Variants in INPP5J observed in about 807,000 individuals in gnomAD.
The protein encoded by INPP5J is inositol polyphosphate-5-phosphatase J.
In INPP5J, 75 loss-of-function variants were observed where a neutral mutation model predicts 86.6. The ratio of observed to expected loss-of-function variants is 0.87; its 90% CI spans 0.72 to 1.05. The LOEUF is 1.05. Among genes scored for constraint, INPP5J ranks in the 50% least tolerant of loss-of-function variants. The pLI is 0.00. For synonymous variants in INPP5J, 540 were observed against 550.0 expected (o/e 0.98, Z 0.25); for missense variants, 1,229 against 1,341.2 (o/e 0.92, Z 1.31).
chr22:31,123,405 G>A (rs945773220), intron 1 of INPP5J, among the ~76,000 whole-genome samples: 34 of 152,208 alleles, frequency 2.2e-4, no homozygotes, highest in Admixed American at 1.6e-3. Context: ...CCTTGGCCAA[G>A]TTGCTTTTCC....
Position 31,133,242 on chromosome 22 carries a change from G to C in INPP5J, c.2331+7G>C, listed in dbSNP as rs1009087677. The C allele has an allele frequency of 2.5e-6, 4 of 1,606,044 alleles. No homozygotes were observed. The African/African-American group carries it at 4.0e-5, about 16-fold the overall frequency. On this transcript the variant is annotated splice_region_variant and intron_variant, in intron 10 of 12. Coordinates refer to ENST00000331075, the MANE Select transcript of INPP5J (RefSeq NM_001284285.2). Reference sequence around the variant, plus strand: ...CTGGATCGGCTTATACCGGGTGAGAGGGGCAGTGGTGGTCAGCGACTCAGG... The same window carrying C: ...CTGGATCGGCTTATACCGGGTGAGACGGGCAGTGGTGGTCAGCGACTCAGG...
In INPP5J at chr22:31,134,282, C is replaced by A. The variant is rs1044819495; in HGVS notation, c.2884C>A (p.Pro962Thr). The change falls in exon 13 of 13, where the codon CCC (proline) becomes ACC (threonine). Residue 962 changes from proline to threonine, a missense_variant. Transcript: ENST00000331075. ...PAVPRSLGLLPALRLETVDPG... is the reference protein window; with the variant it reads ...PAVPRSLGLLTALRLETVDPG... ...TGTGCCTCGAAGCCTGGGCCTGTTG[C>A]CCGCCTTGCGCCTAGAGACTGTAGA... The A allele has an allele frequency of 6.4e-7, 1 of 1,553,968 alleles. No individual in the cohort carries two copies. Among genetic ancestry groups the A allele is most frequent in the Admixed American group, 1.9e-5 (1 of 51,370 alleles).
At position 31,127,043 on chromosome 22, in the gene INPP5J, C is replaced by T. The variant is rs1192975864; in HGVS notation, c.1611+6C>T. 3 of 1,572,036 alleles carry T rather than the reference C, an allele frequency of 1.9e-6. No individual in the cohort carries two copies. The highest frequency in any genetic ancestry group is 2.6e-6 in the Non-Finnish European group (3 of 1,153,528). On this transcript the variant is annotated splice_donor_region_variant and intron_variant, in intron 5 of 12. Coordinates refer to ENST00000331075, the MANE Select transcript of INPP5J (RefSeq NM_001284285.2). ...CTGGCCTGGGCGGCTACTGGGTGAG[C>T]CTGTGAGCAGGCCCAGAAGAGGATG...
intron 9 of INPP5J, among the ~76,000 whole-genome samples, chr22:31,129,536 G>A (rs978590938): frequency 2.9e-5 from 4 of 136,378 alleles, no homozygotes; most frequent in South Asian, 2.5e-4. Flanking sequence ...CACTGTGCCC[G>A]GCGCCCTTTT....
intron 5 of INPP5J, 130 bp from the exon 6 acceptor site, chr22:31,127,227 C>T: frequency 1.1e-6 from 1 of 901,302 alleles, no homozygotes. Context: ...CCCACTGTGT[C>T]CCAGCGTTGT....
In INPP5J at chr22:31,127,005, G is replaced by A. The variant is rs775174496; in HGVS notation, c.1579G>A (p.Asp527Asn). 15 of 1,606,918 alleles carry A rather than the reference G, an allele frequency of 9.3e-6. No individual in the cohort carries two copies. Among genetic ancestry groups the A allele is most frequent in the Middle Eastern group, 1.7e-4 (1 of 6,056 alleles). Residue 527 changes from aspartate (D) to asparagine (N), a missense_variant, in exon 5 of 13, where the codon GAC becomes AAC. Transcript: ENST00000331075. ...HLPFLRDVQT[D>N]CTRTGLGGYW... is the part of the protein sequence containing the mutation. ...GCCCTTCCTGCGAGACGTGCAGACC[G>A]ACTGCACGCGCACTGGCCTGGGCGG...
At chr22:31,132,599 G>A (rs1049428748) in intron 9 of INPP5J, among the ~76,000 whole-genome samples, 3 of 152,082 alleles carry the variant, frequency 2.0e-5, no homozygotes, top group African/African-American at 4.8e-5. Flanking sequence ...AATTAGCCAG[G>A]CGTGATGGCG....
intron 1 of INPP5J, chr22:31,123,975 G>A (rs2147868506): frequency 6.6e-6 from 1 of 152,326 alleles, no homozygotes; most frequent in Non-Finnish European, 1.5e-5. Flanking sequence ...TTAGAATCCT[G>A]GACTTGCTCT....
In INPP5J at chr22:31,127,548, G is replaced by A; in HGVS notation, c.1787+16G>A. 6.2e-7 allele frequency: 1 copy of A among 1,604,830 alleles called. No homozygotes were observed. The highest frequency in any genetic ancestry group is 8.5e-7 in the Non-Finnish European group (1 of 1,174,928). On this transcript the variant is annotated intron_variant, in intron 6 of 12. Transcript: ENST00000331075. ...TGGATCATGAGTATGGGCTGGGGTGGGGCCAAATAGAGCTTGGGTGGGGCT... is the reference window on the plus strand; with the variant it reads ...TGGATCATGAGTATGGGCTGGGGTGAGGCCAAATAGAGCTTGGGTGGGGCT...
chr22:31,134,051 C>G lies in INPP5J; in HGVS notation c.2653C>G (p.Arg885Gly). 1 of 1,588,486 alleles carries G rather than the reference C, an allele frequency of 6.3e-7. No homozygotes were observed. Among genetic ancestry groups the G allele is most frequent in the South Asian group, 1.1e-5 (1 of 87,538 alleles). Residue 885 changes from arginine to glycine, a missense_variant, in exon 13 of 13, where the codon CGC becomes GGC. Transcript: ENST00000331075. ...SPSPGKSKRH[R>G]SRSPGLARFP... Reference sequence around the variant, plus strand: ...CAGTCCTGGCAAGTCCAAGCGACACCGCAGCCGCAGCCCGGGACTGGCCAG... The same window carrying G: ...CAGTCCTGGCAAGTCCAAGCGACACGGCAGCCGCAGCCCGGGACTGGCCAG...
chr22:31,124,778 T>G (rs1301429650), intron 1 of INPP5J, 67 bp from the exon 2 acceptor site: 4 of 1,368,306 alleles, frequency 2.9e-6, no homozygotes, highest in Non-Finnish European at 4.1e-6. Flanking sequence ...TGCCAGGGTC[T>G]ATATGGAAGT....
chr22:31,128,107 A>G, intron 7 of INPP5J, 45 bp downstream of exon 7: 8 of 1,497,386 alleles, frequency 5.3e-6, no homozygotes, highest in Non-Finnish European at 7.4e-6. Flanking sequence ...GTCCCAGGAC[A>G]CGCCTGTACC....
At chr22:31,129,353 G>A (rs994996436) in intron 9 of INPP5J, among the ~76,000 whole-genome samples, 2 of 146,558 alleles carry the variant, frequency 1.4e-5, no homozygotes, top group Non-Finnish European at 3.0e-5. Context: ...CGATTCTCCC[G>A]TCTCAGCCTC....
At chr22:31,132,992 G>C in intron 9 of INPP5J, 106 bp from the exon 10 acceptor site, 4 of 1,420,838 alleles carry the variant, frequency 2.8e-6, no homozygotes, top group Non-Finnish European at 1.9e-6. Context: ...CTGTAAAGTG[G>C]CCCTTTGTCT....
Position 31,124,897 on chromosome 22 carries a change from C to T in INPP5J, c.158C>T (p.Ser53Leu), listed in dbSNP as rs763939360. The T allele has an allele frequency of 7.4e-6, 12 of 1,613,908 alleles. No individual in the cohort carries two copies. Among genetic ancestry groups the T allele is most frequent in the South Asian group, 5.5e-5 (5 of 91,066 alleles). The change falls in exon 2 of 13, where the codon TCG (serine) becomes TTG (leucine). Residue 53 changes from serine (S) to leucine (L), a missense_variant. By Grantham distance (145) the Ser-to-Leu change is moderately radical. Transcript: ENST00000331075. ...PAKKNAALGP[S>L]EPRLALAPVG... ...AAGAAGAACGCAGCCCTAGGACCCT[C>T]GGAACCAAGGTTGGCTCTGGCACCT...
intron 12 of INPP5J, 35 bp from the exon 13 acceptor site, chr22:31,133,878 G>C: frequency 6.2e-7 from 1 of 1,600,922 alleles, no homozygotes; most frequent in South Asian, 1.1e-5. Flanking sequence ...CTGGGTTGGG[G>C]AGCAGGGCGC....
At chr22:31,123,806 A>C (rs1430440705) in intron 1 of INPP5J, 3 of 152,112 alleles carry the variant, frequency 2.0e-5, no homozygotes, top group Non-Finnish European at 4.4e-5. Context: ...ATAGATGGGG[A>C]AGGAGGATAG....
chr22:31,131,763 AG>A (rs1159153270), intron 9 of INPP5J, among the ~76,000 whole-genome samples: 2 of 152,134 alleles, frequency 1.3e-5, no homozygotes, highest in African/African-American at 4.8e-5. Flanking sequence ...AGGGCTCAGT[AG>A]GGGTTTTGAT....
In INPP5J at chr22:31,133,431, A is replaced by T; in HGVS notation, c.2357A>T (p.Tyr786Phe). 6.2e-7 allele frequency: 1 copy of T among 1,613,892 alleles called. No individual in the cohort carries two copies. Among genetic ancestry groups the T allele is most frequent in the Non-Finnish European group, 8.5e-7 (1 of 1,179,842 alleles). The part of the protein sequence containing the change: ...YRVGFRHCKD[Y>F]VAYVWAKHED... ...GTGGGTTTCCGCCATTGCAAGGACT[A>T]TGTGGCTTATGTCTGGGCCAAACAT... The change falls in exon 11 of 13, where the codon TAT (tyrosine) becomes TTT (phenylalanine). Residue 786 changes from tyrosine (Y) to phenylalanine (F), a missense_variant. Tyr to Phe is a conservative substitution (Grantham distance 22). Transcript: ENST00000331075.
Sources: allele counts gnomAD v4.1 joint callset (sites outside exome capture counted in the v4.1 genomes callset), GRCh38; gene constraint gnomAD v4.1.1; transcripts MANE v1.5; gene names NCBI Gene and HGNC (gene_info 2026-07-23, HGNC 2026-07-21).